The following EGFLAM variants were observed in gnomAD, a reference collection of about 807,000 sequenced individuals.
The protein encoded by EGFLAM is pikachurin.
A neutral mutation model predicts 113.1 loss-of-function variants in EGFLAM; 79 were observed. The observed-to-expected ratio is 0.70, with a 90% CI of 0.58 to 0.84. EGFLAM has a LOEUF of 0.84. EGFLAM is among the 40% of genes least tolerant of loss of function. EGFLAM has a pLI of 0.00. For missense variants in EGFLAM, 1,265 were observed against 1,291.6 expected (o/e 0.98, Z 0.32); for synonymous variants, 504 against 487.6 (o/e 1.03, Z -0.44).
At chr5:38,356,683 T>C (rs1246116678) in intron 5 of EGFLAM, among the ~76,000 whole-genome samples, 1 of 152,220 alleles carries the variant, frequency 6.6e-6, no homozygotes, top group East Asian at 1.9e-4. Flanking sequence ...CTTAGGCTGC[T>C]GTTTGATGTA....
chr5:38,273,472 C>A (rs1016594239), intron 1 of EGFLAM, among the ~76,000 whole-genome samples: 1 of 152,204 alleles, frequency 6.6e-6, no homozygotes, highest in Non-Finnish European at 1.5e-5. Flanking sequence ...TTGGGCATGC[C>A]CCAGTGCTGT....
At position 38,417,359 on chromosome 5, in the gene EGFLAM, A is replaced by AAC. The variant is rs1554013050; in HGVS notation, c.1495-706_1495-705insCA. Among the ~76,000 whole-genome samples the AAC allele has an allele frequency of 2.5e-3, 366 of 149,372 alleles. 1 individual carries two copies. The highest frequency in any genetic ancestry group is 7.6e-3 in the African/African-American group (301 of 39,478). On this transcript the variant is annotated intron_variant, in intron 11 of 21. Coordinates refer to ENST00000322350, the MANE Select transcript of EGFLAM (RefSeq NM_152403.4). ...CGAGACTCTGTCTCAAAAAAAAAAA[A>AAC]AAAAAAAAAACAAAAAAAAAAGGCC...
chr5:38,298,812 C>T (rs1173666057), intron 1 of EGFLAM, among the ~76,000 whole-genome samples: 1 of 151,986 alleles, frequency 6.6e-6, no homozygotes, highest in Admixed American at 6.6e-5. Context: ...GTGATCCTCC[C>T]ACCTCCACCT....
chr5:38,352,419 C>T (rs772153476), intron 5 of EGFLAM, 88 bp downstream of exon 5: 15 of 1,537,704 alleles, frequency 9.8e-6, no homozygotes, highest in South Asian at 4.6e-5. Context: ...CAGGCTGAGG[C>T]GGGCAGATCA....
At position 38,465,090 on chromosome 5, in the gene EGFLAM, T is replaced by C. The variant is rs753608334; in HGVS notation, c.*1104T>C. On this transcript the variant is annotated 3_prime_UTR_variant, in exon 22 of 22. Coordinates refer to ENST00000322350, the MANE Select transcript of EGFLAM (RefSeq NM_152403.4). ...AGGTCAGGTTCATACCAATGGACAC[T>C]AATACAATCAGTGTTCCCAAGGCTG... 2 of 152,232 alleles carry C rather than the reference T, an allele frequency of 1.3e-5. No individual in the cohort carries two copies. The highest frequency in any genetic ancestry group is 2.4e-5 in the African/African-American group (1 of 41,436). The allele number at this position is 152,232 out of a possible 1,614,324, so 9.4% of individuals were successfully genotyped here.
chr5:38,438,345 C>T lies in EGFLAM; in HGVS notation c.2354C>T (p.Ala785Val), dbSNP rs745814224. ...FTSGVNVENA[A>V]HPCVRAPCAH... ...TCCGGAGTGAATGTGGAGAATGCGG[C>T]CCACCCCTGTGTGAGAGCCCCTTGT... Residue 785 changes from alanine to valine, a missense_variant, in exon 17 of 22, where the codon GCC becomes GTC. Coordinates refer to ENST00000322350, the MANE Select transcript of EGFLAM (RefSeq NM_152403.4). The T allele has an allele frequency of 6.2e-7, 1 of 1,614,098 alleles. No individual in the cohort carries two copies.
intron 1 of EGFLAM, among the ~76,000 whole-genome samples, chr5:38,261,885 A>C (rs1181964704): frequency 6.6e-6 from 1 of 152,094 alleles, no homozygotes; most frequent in Non-Finnish European, 1.5e-5. Context: ...AAGGCTGGTG[A>C]GGGTCAGAGG....
chr5:38,374,716 A>T (rs1334540718), intron 6 of EGFLAM, among the ~76,000 whole-genome samples: 2 of 152,218 alleles, frequency 1.3e-5, no homozygotes, highest in African/African-American at 2.4e-5. Flanking sequence ...GTCCCCAGTC[A>T]AGAAGGGGAT....
chr5:38,362,533 A>G (rs1197531603), intron 5 of EGFLAM, among the ~76,000 whole-genome samples: 2 of 151,594 alleles, frequency 1.3e-5, no homozygotes, highest in Non-Finnish European at 2.9e-5. Context: ...TTTCTTTTCA[A>G]AAAAAAGTGT....
At chr5:38,373,573 G>A (rs2112042206) in intron 6 of EGFLAM, among the ~76,000 whole-genome samples, 1 of 152,266 alleles carries the variant, frequency 6.6e-6, no homozygotes, top group South Asian at 2.1e-4. Flanking sequence ...TTTCATTCAT[G>A]TTGCTTAAAA....
chr5:38,328,802 T>C (rs1738960851), intron 1 of EGFLAM, among the ~76,000 whole-genome samples: 1 of 149,944 alleles, frequency 6.7e-6, no homozygotes, highest in African/African-American at 2.4e-5. Flanking sequence ...TTAATATGCA[T>C]AAGTTTTATA....
chr5:38,270,007 C>T (rs1449011724), intron 1 of EGFLAM, among the ~76,000 whole-genome samples: 2 of 152,200 alleles, frequency 1.3e-5, no homozygotes, highest in Admixed American at 1.3e-4. Flanking sequence ...GTGCTTGAGT[C>T]TAGCTCTGCA....
At chr5:38,350,144 G>A (rs1451874373) in intron 3 of EGFLAM, among the ~76,000 whole-genome samples, 1 of 152,168 alleles carries the variant, frequency 6.6e-6, no homozygotes, top group East Asian at 1.9e-4. Flanking sequence ...ATCTGCAAAT[G>A]GAAAGAAGGA....
chr5:38,263,686 G>GT (rs1757560171), intron 1 of EGFLAM, among the ~76,000 whole-genome samples: 1 of 151,964 alleles, frequency 6.6e-6, no homozygotes, highest in Admixed American at 6.6e-5. Flanking sequence ...GGCTCGTGCT[G>GT]TTTTTTTGAA....
At chr5:38,292,598 C>CAACT (rs1758362785) in intron 1 of EGFLAM, among the ~76,000 whole-genome samples, 1 of 152,174 alleles carries the variant, frequency 6.6e-6, no homozygotes, top group Non-Finnish European at 1.5e-5. Context: ...CAAAATTGCA[C>CAACT]AACTATTCCA....
At chr5:38,436,604 G>A (rs1471436786) in intron 16 of EGFLAM, among the ~76,000 whole-genome samples, 2 of 152,114 alleles carry the variant, frequency 1.3e-5, no homozygotes, top group African/African-American at 4.8e-5. Context: ...AAACAAGCTG[G>A]GATGCTAAGA....
intron 1 of EGFLAM, among the ~76,000 whole-genome samples, chr5:38,334,515 C>T (rs1739134360): frequency 6.6e-6 from 1 of 152,078 alleles, no homozygotes; most frequent in African/African-American, 2.4e-5. Context: ...ATGACTTAAT[C>T]ACCTCCCAAA....
chr5:38,269,253 G>A (rs543966121), intron 1 of EGFLAM, among the ~76,000 whole-genome samples: 1 of 152,172 alleles, frequency 6.6e-6, no homozygotes, highest in African/African-American at 2.4e-5. Flanking sequence ...GAGTTTCTAA[G>A]GCATATCAAC....
intron 1 of EGFLAM, among the ~76,000 whole-genome samples, chr5:38,281,620 G>A (rs974319748): frequency 1.3e-5 from 2 of 152,136 alleles, no homozygotes; most frequent in African/African-American, 4.8e-5. Context: ...GTCTTTTGTG[G>A]AAGTGGCACG....
Sources: gnomAD v4.1 joint callset for allele counts (sites outside exome capture counted in the v4.1 genomes callset) on GRCh38, gnomAD v4.1.1 for gene constraint, MANE v1.5 for transcripts, NCBI Gene and HGNC (gene_info 2026-07-23, HGNC 2026-07-21) for gene names.